Variants in SPECC1 observed in about 807,000 individuals in gnomAD.
The protein encoded by SPECC1 is sperm antigen with calponin homology and coiled-coil domains 1.
A neutral mutation model predicts 104.1 loss-of-function variants in SPECC1; 62 were observed. That is an observed-to-expected ratio of 0.60 (90% CI 0.49 to 0.74). The LOEUF is 0.74. SPECC1 is among the 30% of genes least tolerant of loss of function. The pLI, the probability that SPECC1 is intolerant of heterozygous loss-of-function variation, is 0.00. For synonymous variants in SPECC1, 513 were observed against 501.6 expected (o/e 1.02, Z -0.30); for missense variants, 1,306 against 1,310.5 (o/e 1.00, Z 0.05).
chr17:20,086,478 C>T (rs2047181722), intron 1 of SPECC1, among the ~76,000 whole-genome samples: 1 of 152,192 alleles, frequency 6.6e-6, no homozygotes, highest in South Asian at 2.1e-4. Context: ...GGCTTCTGTG[C>T]ATTGAATTAA....
intron 1 of SPECC1, among the ~76,000 whole-genome samples, chr17:20,069,572 A>T (rs990412090): frequency 6.6e-6 from 1 of 152,152 alleles, no homozygotes; most frequent in African/African-American, 2.4e-5. Flanking sequence ...CAGTTATTCC[A>T]GCATAATTTG....
intron 11 of SPECC1, among the ~76,000 whole-genome samples, chr17:20,258,993 C>T (rs540415369): frequency 1.3e-5 from 2 of 152,342 alleles, no homozygotes; most frequent in African/African-American, 4.8e-5. Context: ...GTGCAACACA[C>T]ATAGCATTTC....
At chr17:20,013,963 T>C (rs1704477768) in intron 1 of SPECC1, among the ~76,000 whole-genome samples, 1 of 152,238 alleles carries the variant, frequency 6.6e-6, no homozygotes, top group African/African-American at 2.4e-5. Context: ...AGTGAGTGTG[T>C]GCATTTCTGT....
Position 20,283,473 on chromosome 17 carries a change from A to T in SPECC1, c.2941-13488A>T, listed in dbSNP as rs548125897. ...TGCCAGTTTGATGAGTGAAAATGAT[A>T]TTTTACCGTTTTTATTTTCTGGTGA... On this transcript the variant is annotated intron_variant, in intron 12 of 14. Transcript: ENST00000395527. Among the ~76,000 whole-genome samples the T allele has an allele frequency of 4.6e-5, 7 of 152,238 alleles. No homozygotes were observed. The South Asian group carries it at 1.5e-3, about 32-fold the overall frequency.
At chr17:20,195,602 G>T (rs1428367094) in intron 3 of SPECC1, among the ~76,000 whole-genome samples, 2 of 149,314 alleles carry the variant, frequency 1.3e-5, no homozygotes, top group Admixed American at 1.3e-4. Context: ...CTGTCACCCA[G>T]TCTGGAGTGT....
At chr17:20,193,901 C>G (rs865781739) in intron 3 of SPECC1, among the ~76,000 whole-genome samples, 2 of 152,140 alleles carry the variant, frequency 1.3e-5, no homozygotes, top group Admixed American at 6.5e-5. Flanking sequence ...GAGCAGCAGT[C>G]AGAGATCACT....
At chr17:20,054,684 G>T (rs534486087) in intron 1 of SPECC1, among the ~76,000 whole-genome samples, 16 of 151,658 alleles carry the variant, frequency 1.1e-4, no homozygotes, top group African/African-American at 2.4e-4. Context: ...CTTTTTTTGG[G>T]GGGGGTGGTG....
At chr17:20,146,327 C>T (rs1457348249) in intron 3 of SPECC1, among the ~76,000 whole-genome samples, 1 of 152,116 alleles carries the variant, frequency 6.6e-6, no homozygotes, top group East Asian at 1.9e-4. Context: ...CCTTTTCAGA[C>T]CGGCTTCTTT....
intron 1 of SPECC1, among the ~76,000 whole-genome samples, chr17:20,028,784 T>C (rs1022208868): frequency 3.0e-4 from 44 of 147,458 alleles, no homozygotes; most frequent in African/African-American, 1.1e-3. Flanking sequence ...TTTTTTGAGA[T>C]GGAATTTTGC....
At chr17:20,026,038 TTTA>T (rs1318357886) in intron 1 of SPECC1, among the ~76,000 whole-genome samples, 1 of 151,940 alleles carries the variant, frequency 6.6e-6, no homozygotes, top group African/African-American at 2.4e-5. Context: ...ATTCAAGGCT[TTTA>T]CCCATTTTTG....
chr17:20,097,228 T>C (rs1188796042), intron 2 of SPECC1, among the ~76,000 whole-genome samples: 2 of 152,110 alleles, frequency 1.3e-5, no homozygotes, highest in African/African-American at 4.8e-5. Context: ...TCTCCTCTGG[T>C]TTTCTCCTCC....
chr17:20,098,201 C>G (rs2047745617), intron 2 of SPECC1, among the ~76,000 whole-genome samples: 1 of 152,178 alleles, frequency 6.6e-6, no homozygotes, highest in Non-Finnish European at 1.5e-5. Context: ...CCCTAACCTG[C>G]TCCCCCAAAT....
intron 1 of SPECC1, among the ~76,000 whole-genome samples, chr17:20,012,371 G>A (rs916855662): frequency 1.3e-5 from 2 of 152,004 alleles, no homozygotes; most frequent in Non-Finnish European, 2.9e-5. Flanking sequence ...TATGATTCTT[G>A]TAGGGGTTTT....
chr17:20,151,344 A>C (rs2031988417), intron 3 of SPECC1, among the ~76,000 whole-genome samples: 2 of 152,180 alleles, frequency 1.3e-5, no homozygotes. Flanking sequence ...CATGGGGGTA[A>C]ACCTTCAACA....
chr17:20,194,190 CT>C (rs1208155939), intron 3 of SPECC1, among the ~76,000 whole-genome samples: 1 of 152,124 alleles, frequency 6.6e-6, no homozygotes, highest in Non-Finnish European at 1.5e-5. Flanking sequence ...TCAGATAAGA[CT>C]TTTTAAAAGC....
In SPECC1 at chr17:20,316,708, T is replaced by TTG. The variant is rs1567631300; in HGVS notation, c.*2644_*2645insGT. The TTG allele has an allele frequency of 2.6e-4, 49 of 187,998 alleles. No homozygotes were observed. Among genetic ancestry groups the TTG allele is most frequent in the East Asian group, 2.5e-3 (29 of 11,716 alleles). The allele number at this position is 187,998 out of a possible 1,614,324, so 11.6% of individuals were successfully genotyped here. On this transcript the variant is annotated 3_prime_UTR_variant, in exon 15 of 15. Transcript: ENST00000395527. ...TTTTTTGTTGTTGTTTGTTTGTTTT[T>TTG]TTTTTTGAGACAGAGTCTTGCTCTG...
intron 3 of SPECC1, among the ~76,000 whole-genome samples, chr17:20,200,894 A>G (rs1230278582): frequency 6.6e-6 from 1 of 151,750 alleles, no homozygotes; most frequent in Non-Finnish European, 1.5e-5. Flanking sequence ...ACATAGTAAA[A>G]AAAAAAAAAA....
At chr17:20,112,469 G>T in intron 3 of SPECC1, 1 of 765,572 alleles carries the variant, frequency 1.3e-6, no homozygotes, top group South Asian at 1.4e-5. Context: ...AATCAAGTCA[G>T]AACTGCGATG....
At chr17:20,310,152 A>T (rs1200125865) in intron 14 of SPECC1, among the ~76,000 whole-genome samples, 2 of 152,150 alleles carry the variant, frequency 1.3e-5, no homozygotes, top group Admixed American at 1.3e-4. Context: ...ATGGACACCT[A>T]GGTTGATTTC....
Sources: gnomAD v4.1 joint callset for allele counts (sites outside exome capture counted in the v4.1 genomes callset) on GRCh38, gnomAD v4.1.1 for gene constraint, MANE v1.5 for transcripts, NCBI Gene and HGNC (gene_info 2026-07-23, HGNC 2026-07-21) for gene names.